ARID2: variants seen among roughly 807,000 people sequenced by gnomAD.
ARID2 encodes the protein AT-rich interaction domain 2.
ARID2 carries 32 observed loss-of-function variants against 184.6 expected under a neutral mutation model. The observed-to-expected ratio is 0.17, with a 90% CI of 0.13 to 0.23. ARID2 has a LOEUF of 0.23. Ranked by LOEUF, ARID2 falls within the 10% of genes least tolerant of loss-of-function variation. ARID2 has a pLI of 1.00. For synonymous variants in ARID2, 836 were observed against 772.6 expected (o/e 1.08, Z -1.36); for missense variants, 1,696 against 2,197.6 (o/e 0.77, Z 4.56).
chr12:45,824,109 G>A (rs1942950202), intron 6 of ARID2, among the ~76,000 whole-genome samples: 1 of 152,074 alleles, frequency 6.6e-6, no homozygotes, highest in Non-Finnish European at 1.5e-5. Flanking sequence ...ATTTATCCCA[G>A]GGATGTAAGG....
At chr12:45,783,367 G>T (rs1942133294) in intron 3 of ARID2, among the ~76,000 whole-genome samples, 1 of 152,150 alleles carries the variant, frequency 6.6e-6, no homozygotes, top group Non-Finnish European at 1.5e-5. Flanking sequence ...TAGGATTATT[G>T]AAAATCAGGT....
intron 5 of ARID2, among the ~76,000 whole-genome samples, chr12:45,819,856 G>A (rs997422452): frequency 2.0e-5 from 3 of 151,886 alleles, no homozygotes; most frequent in Non-Finnish European, 2.9e-5. Context: ...TGAGTCTCGT[G>A]CCTTAGCCTC....
chr12:45,765,462 T>C (rs1029187071), intron 3 of ARID2, among the ~76,000 whole-genome samples: 20 of 152,104 alleles, frequency 1.3e-4, no homozygotes, highest in African/African-American at 4.8e-4. Flanking sequence ...CCTCCTGCCT[T>C]AGCCTCCTAA....
At chr12:45,805,657 G>C (rs1246676926) in intron 3 of ARID2, among the ~76,000 whole-genome samples, 1 of 152,054 alleles carries the variant, frequency 6.6e-6, no homozygotes, top group Admixed American at 6.5e-5. Context: ...AAAATTGTAT[G>C]ATTTTAAGGT....
At chr12:45,878,761 G>A (rs1944052132) in intron 16 of ARID2, among the ~76,000 whole-genome samples, 1 of 152,124 alleles carries the variant, frequency 6.6e-6, no homozygotes, top group African/African-American at 2.4e-5. Context: ...GACCGTGTGT[G>A]TGGTGGTGGG....
chr12:45,735,883 A>C (rs1323456205), intron 3 of ARID2, among the ~76,000 whole-genome samples: 11 of 152,238 alleles, frequency 7.2e-5, no homozygotes, highest in Admixed American at 7.2e-4. Context: ...ATACAAAATG[A>C]GAACATTATA....
At chr12:45,901,590 G>GT (rs1299535845) in intron 20 of ARID2, among the ~76,000 whole-genome samples, 1 of 152,028 alleles carries the variant, frequency 6.6e-6, no homozygotes, top group African/African-American at 2.4e-5. Context: ...TACTTTTGTA[G>GT]TTTTTTCCCA....
chr12:45,889,925 A>C (rs1297313707), intron 16 of ARID2, among the ~76,000 whole-genome samples: 1 of 152,210 alleles, frequency 6.6e-6, no homozygotes, highest in Non-Finnish European at 1.5e-5. Context: ...GTGACAGAGC[A>C]AGACTCTGTC....
chr12:45,839,663 A>G (rs1258707941), intron 11 of ARID2, 167 bp downstream of exon 11: 1 of 668,844 alleles, frequency 1.5e-6, no homozygotes, highest in Non-Finnish European at 2.3e-6. Flanking sequence ...ACATTCCAGG[A>G]GTAGCAGGAT....
intron 18 of ARID2, 109 bp downstream of exon 18, chr12:45,892,205 A>G (rs1944310473): frequency 2.9e-6 from 3 of 1,046,914 alleles, no homozygotes; most frequent in Non-Finnish European, 2.7e-6. Context: ...CCTGGGTTCT[A>G]GTCCAGCTCT....
intron 3 of ARID2, among the ~76,000 whole-genome samples, chr12:45,735,309 T>C (rs368937170): frequency 7.2e-5 from 11 of 152,162 alleles, no homozygotes; most frequent in Middle Eastern, 3.2e-3. Flanking sequence ...AATAAACTGA[T>C]TGCCCTTCTT....
intron 4 of ARID2, among the ~76,000 whole-genome samples, chr12:45,812,007 A>T (rs1942718484): frequency 6.6e-6 from 1 of 151,418 alleles, no homozygotes; most frequent in South Asian, 2.1e-4. Flanking sequence ...TTCACTTGTC[A>T]TGCTTGTAAT....
In ARID2 at chr12:45,863,929, C is replaced by T. The variant is rs138339253; in HGVS notation, c.4922+2980C>T. ...CAGTGGTGCTATCTTGATCTTGGCT[C>T]ATTGCAACCTCTGTCTTGTGAGCTC... is the stretch of plus-strand genomic sequence containing the variant. On this transcript the variant is annotated intron_variant, in intron 16 of 20. Transcript: ENST00000334344. Among the ~76,000 whole-genome samples, 195 of 146,942 alleles carry T rather than the reference C, an allele frequency of 1.3e-3. 1 individual carries two copies. Among genetic ancestry groups the T allele is most frequent in the African/African-American group, 4.8e-3 (185 of 38,474 alleles).
intron 3 of ARID2, chr12:45,789,349 G>A (rs945923685): frequency 1.3e-5 from 2 of 152,210 alleles, no homozygotes; most frequent in African/African-American, 4.8e-5. Flanking sequence ...GCCTTCTACT[G>A]GGGCAATATT....
chr12:45,761,312 A>C (rs1233933215), intron 3 of ARID2, among the ~76,000 whole-genome samples: 1 of 152,000 alleles, frequency 6.6e-6, no homozygotes, highest in Non-Finnish European at 1.5e-5. Flanking sequence ...CATCTTCTAA[A>C]ATTTTTTCCT....
intron 16 of ARID2, among the ~76,000 whole-genome samples, chr12:45,875,041 T>G (rs1214631244): frequency 1.3e-5 from 2 of 152,214 alleles, no homozygotes; most frequent in African/African-American, 2.4e-5. Flanking sequence ...AAGGATCGCT[T>G]GAGCCCAGGA....
chr12:45,897,729 T>G (rs1252093094), intron 20 of ARID2, among the ~76,000 whole-genome samples: 2 of 152,124 alleles, frequency 1.3e-5, no homozygotes, highest in African/African-American at 2.4e-5. Flanking sequence ...TCATCGATGA[T>G]AGACAAAATG....
chr12:45,828,204 T>C (rs1273120031), intron 6 of ARID2, among the ~76,000 whole-genome samples: 1 of 152,072 alleles, frequency 6.6e-6, no homozygotes, highest in African/African-American at 2.4e-5. Flanking sequence ...CACTCCCTTA[T>C]CTGTTAACCT....
intron 6 of ARID2, among the ~76,000 whole-genome samples, chr12:45,835,324 C>A (rs1943198565): frequency 6.6e-6 from 1 of 151,610 alleles, no homozygotes; most frequent in Admixed American, 6.6e-5. Context: ...TTCTTGTGGC[C>A]CTTCTTTCTT....
Sources: gnomAD v4.1 joint callset for allele counts (sites outside exome capture counted in the v4.1 genomes callset) on GRCh38, gnomAD v4.1.1 for gene constraint, MANE v1.5 for transcripts, NCBI Gene and HGNC (gene_info 2026-07-23, HGNC 2026-07-21) for gene names.